The following TTLL5 variants were observed in gnomAD, a reference collection of about 807,000 sequenced individuals.
TTLL5 encodes the protein tubulin tyrosine ligase like 5.
A neutral mutation model predicts 168.4 loss-of-function variants in TTLL5; 132 were observed. The observed-to-expected ratio is 0.78, with a 90% confidence interval of 0.68 to 0.91. TTLL5 has a LOEUF of 0.91. TTLL5 is among the 40% of genes least tolerant of loss of function. TTLL5 has a pLI of 0.00. For synonymous variants in TTLL5, 546 were observed against 558.6 expected, an observed-to-expected ratio of 0.98 and a Z score of 0.32; for missense variants, 1,545 against 1,581.5, an observed-to-expected ratio of 0.98 and a Z score of 0.39.
At position 75,783,356 on chromosome 14, in the gene TTLL5, A is replaced by T. The variant is rs1004435343; in HGVS notation, c.2812A>T (p.Thr938Ser). The change falls in exon 26 of 32, where the codon ACA (threonine) becomes TCA (serine). Residue 938 changes from threonine to serine, a missense_variant. Coordinates refer to ENST00000298832, the MANE Select transcript of TTLL5 (RefSeq NM_015072.5). ...TCACCAGCCAACAATTTTACTGAAC[A>T]CAGTCTCTGCCAGTGCTTCTCCCTG... The part of the protein sequence containing the change: ...MPHQPTILLN[T>S]VSASASPCLH... 5 of 1,614,132 alleles carry T rather than the reference A, an allele frequency of 3.1e-6. No individual in the cohort carries two copies. Among genetic ancestry groups the T allele is most frequent in the Non-Finnish European group, 4.2e-6 (5 of 1,180,020 alleles).
chr14:75,771,624 T>C, intron 20 of TTLL5, 110 bp from the exon 21 acceptor site: 1 of 1,472,352 alleles, frequency 6.8e-7, no homozygotes, highest in Non-Finnish European at 9.2e-7. Context: ...TCATATTTCT[T>C]AGCCATCATA....
chr14:75,809,313 C>T (rs1417278908), intron 27 of TTLL5, among the ~76,000 whole-genome samples: 1 of 152,120 alleles, frequency 6.6e-6, no homozygotes, highest in Admixed American at 6.5e-5. Context: ...AGCATATAAC[C>T]ATTAATATCA....
Position 75,908,477 on chromosome 14 carries a change from G to C in TTLL5, c.3823+6253G>C, listed in dbSNP as rs111826406. 3.9e-3 allele frequency among the ~76,000 whole-genome samples: 594 copies of C among 152,324 alleles called. 2 individuals carry two copies. The highest frequency in any genetic ancestry group is 5.3e-3 in the Non-Finnish European group (360 of 68,030). The stretch of plus-strand genomic sequence containing the variant: ...ATAATCACGAACGAATGTCATCACC[G>C]GCCATGACAGTCCTAGAACCTCTTC... On this transcript the variant is annotated intron_variant, in intron 31 of 31. Transcript: ENST00000298832.
In TTLL5 at chr14:75,732,341, T is replaced by C; in HGVS notation, c.1046T>C (p.Leu349Pro). The C allele has an allele frequency of 1.2e-6, 2 of 1,613,482 alleles. No individual in the cohort carries two copies. Among genetic ancestry groups the C allele is most frequent in the Non-Finnish European group, 1.7e-6 (2 of 1,179,648 alleles). The change falls in exon 13 of 32, where the codon CTC becomes CCC. Residue 349 changes from leucine to proline, a missense_variant. Transcript: ENST00000298832. ...TTGTGTTGTGTTGTATTTCTAGAACTCTATGGCTTTGACGTGCTCATAGAT... is the reference window on the plus strand; with the variant it reads ...TTGTGTTGTGTTGTATTTCTAGAACCCTATGGCTTTGACGTGCTCATAGAT... Reference protein sequence around the residue: ...FVPHRSSCFELYGFDVLIDST... With the variant: ...FVPHRSSCFEPYGFDVLIDST...
At chr14:75,791,909 T>C (rs1892751424) in intron 26 of TTLL5, among the ~76,000 whole-genome samples, 1 of 152,034 alleles carries the variant, frequency 6.6e-6, no homozygotes, top group African/African-American at 2.4e-5. Context: ...TGTGAATTTT[T>C]ATTTTATTTT....
At chr14:75,903,528 T>C in intron 31 of TTLL5, among the ~76,000 whole-genome samples, 1 of 151,856 alleles carries the variant, frequency 6.6e-6, no homozygotes, top group East Asian at 1.9e-4. Context: ...TAAGGAGCCA[T>C]CGAGGAGTTT....
chr14:75,892,634 G>A (rs920914704), intron 30 of TTLL5, among the ~76,000 whole-genome samples: 8 of 152,096 alleles, frequency 5.3e-5, no homozygotes, highest in Non-Finnish European at 8.8e-5. Context: ...TCACTACAAA[G>A]AATTATCCAG....
intron 31 of TTLL5, among the ~76,000 whole-genome samples, chr14:75,917,144 A>G (rs190943877): frequency 6.6e-6 from 1 of 152,332 alleles, no homozygotes; most frequent in East Asian, 1.9e-4. Context: ...ACTTAATGCC[A>G]CTGAACTGTA....
intron 30 of TTLL5, among the ~76,000 whole-genome samples, chr14:75,900,816 A>G (rs2032891658): frequency 6.6e-6 from 1 of 152,176 alleles, no homozygotes; most frequent in Admixed American, 6.5e-5. Flanking sequence ...CACTGTTCTC[A>G]TCATCTAAAC....
intron 31 of TTLL5, among the ~76,000 whole-genome samples, chr14:75,945,548 C>T (rs1318049844): frequency 1.3e-5 from 2 of 152,060 alleles, no homozygotes; most frequent in Admixed American, 6.6e-5. Context: ...AGCCACTGCA[C>T]TTGGCCTTCT....
At chr14:75,816,528 A>G (rs1894411283) in intron 27 of TTLL5, among the ~76,000 whole-genome samples, 1 of 152,258 alleles carries the variant, frequency 6.6e-6, no homozygotes, top group Non-Finnish European at 1.5e-5. Context: ...GCCAAAGGAT[A>G]GGTTTACTAA....
At chr14:75,664,019 G>T (rs1442311109) in intron 2 of TTLL5, among the ~76,000 whole-genome samples, 1 of 151,662 alleles carries the variant, frequency 6.6e-6, no homozygotes, top group Non-Finnish European at 1.5e-5. Flanking sequence ...GGGAGGTGGA[G>T]GTTGCAGTGA....
chr14:75,763,076 A>G (rs921698925), intron 18 of TTLL5, among the ~76,000 whole-genome samples: 1 of 152,216 alleles, frequency 6.6e-6, no homozygotes, highest in Non-Finnish European at 1.5e-5. Flanking sequence ...GTGTTAAGCT[A>G]TGCCCATGTT....
At chr14:75,747,570 T>C (rs1889689729) in intron 17 of TTLL5, among the ~76,000 whole-genome samples, 1 of 152,082 alleles carries the variant, frequency 6.6e-6, no homozygotes, top group South Asian at 2.1e-4. Flanking sequence ...TTAAGTTACT[T>C]GTAGATCAGC....
intron 3 of TTLL5, among the ~76,000 whole-genome samples, chr14:75,674,836 G>T (rs951794260): frequency 2.6e-5 from 4 of 151,924 alleles, no homozygotes; most frequent in Admixed American, 2.6e-4. Context: ...AAGGAAACAG[G>T]TAGGTGAAAT....
In TTLL5 at chr14:75,730,358, C is replaced by G. The variant is rs1363908892; in HGVS notation, c.1043-1980C>G. On this transcript the variant is annotated intron_variant, in intron 12 of 31. Transcript: ENST00000298832. Reference sequence around the variant, plus strand: ...GCTGTTAAAAGCTATGAATTCATTGCGAAAAGAAGAGATGAAAGAGCTTCC... The same window carrying G: ...GCTGTTAAAAGCTATGAATTCATTGGGAAAAGAAGAGATGAAAGAGCTTCC... Among the ~76,000 whole-genome samples the G allele has an allele frequency of 2.3e-4, 35 of 152,002 alleles. 2 individuals carry two copies. The highest frequency in any genetic ancestry group is 2.2e-3 in the Admixed American group (34 of 15,264).
chr14:75,694,555 A>G (rs984109716), intron 6 of TTLL5, among the ~76,000 whole-genome samples: 4 of 152,160 alleles, frequency 2.6e-5, no homozygotes, highest in Non-Finnish European at 5.9e-5. Context: ...GCTAGTCTCG[A>G]ACTCCTGACC....
chr14:75,928,251 TC>T (rs1362572411), intron 31 of TTLL5, among the ~76,000 whole-genome samples: 1 of 150,660 alleles, frequency 6.6e-6, no homozygotes, highest in East Asian at 2.0e-4. Flanking sequence ...AAGCTCCAGT[TC>T]TTTTTGGCTC....
chr14:75,823,425 G>T (rs1050148393), intron 28 of TTLL5, among the ~76,000 whole-genome samples: 1 of 152,088 alleles, frequency 6.6e-6, no homozygotes. Flanking sequence ...GACATGGAAG[G>T]GTTACTGTAA....
Sources: allele counts gnomAD v4.1 joint callset (sites outside exome capture counted in the v4.1 genomes callset), GRCh38; gene constraint gnomAD v4.1.1; transcripts MANE v1.5; gene names NCBI Gene and HGNC (gene_info 2026-07-23, HGNC 2026-07-21).